The following WWOX variants were observed in gnomAD, a reference collection of about 807,000 sequenced individuals.
WWOX encodes WW domain containing oxidoreductase, also known as WW domain-containing oxidoreductase.
WWOX carries 69 observed loss-of-function variants against 46.2 expected under a neutral mutation model. The observed-to-expected ratio is 1.49, with a 90% CI of 1.23 to 1.82. WWOX has a LOEUF of 1.82. Among genes scored for constraint, WWOX ranks in the 40% most tolerant of loss-of-function variants. The pLI, the probability that WWOX is intolerant of heterozygous loss-of-function variation, is 0.00. For missense variants in WWOX, 919 were observed against 542.6 expected, an observed-to-expected ratio of 1.69 and a Z score of -6.89; for synonymous variants, 359 against 202.6, an observed-to-expected ratio of 1.77 and a Z score of -6.56.
intron 8 of WWOX, among the ~76,000 whole-genome samples, chr16:79,152,432 G>A (rs2050298923): frequency 6.6e-6 from 1 of 152,164 alleles, no homozygotes; most frequent in Non-Finnish European, 1.5e-5. Context: ...AGCACTTTGG[G>A]ACGATGAGGC....
chr16:78,914,880 GAAAAA>G (rs10706775), intron 8 of WWOX, among the ~76,000 whole-genome samples: 4 of 69,394 alleles, frequency 5.8e-5, no homozygotes, highest in Non-Finnish European at 7.6e-5. Context: ...CTCCGCCTCA[GAAAAA>G]AAAAAAAAAA....
chr16:78,569,883 C>G (rs956572561), intron 8 of WWOX, among the ~76,000 whole-genome samples: 2 of 152,194 alleles, frequency 1.3e-5, no homozygotes, highest in Non-Finnish European at 2.9e-5. Flanking sequence ...AGCTCATCAT[C>G]TTCCTTGATC....
intron 8 of WWOX, among the ~76,000 whole-genome samples, chr16:78,657,556 AC>A (rs2142161486): frequency 6.6e-6 from 1 of 152,276 alleles, no homozygotes; most frequent in South Asian, 2.1e-4. Flanking sequence ...CTAGTTAAAG[AC>A]GTGACCCTGG....
intron 8 of WWOX, among the ~76,000 whole-genome samples, chr16:79,122,933 C>G (rs1006662281): frequency 9.8e-5 from 15 of 152,346 alleles, no homozygotes; most frequent in Admixed American, 2.6e-4. Flanking sequence ...CAATGGGACC[C>G]TTGCCGGGGC....
intron 8 of WWOX, among the ~76,000 whole-genome samples, chr16:78,974,013 C>T (rs1002802603): frequency 6.6e-6 from 1 of 152,212 alleles, no homozygotes; most frequent in Non-Finnish European, 1.5e-5. Context: ...GCACAAAACT[C>T]ATGCAACATT....
chr16:79,106,533 T>C (rs2049310843), intron 8 of WWOX: 1 of 149,922 alleles, frequency 6.7e-6, no homozygotes, highest in African/African-American at 2.5e-5. Flanking sequence ...AGTATACCTA[T>C]CAGATTTTCA....
chr16:78,490,921 C>T (rs1024195792), intron 8 of WWOX, among the ~76,000 whole-genome samples: 1 of 152,114 alleles, frequency 6.6e-6, no homozygotes, highest in Non-Finnish European at 1.5e-5. Flanking sequence ...TGGCAGTGAG[C>T]TCATATGGAA....
chr16:79,171,802 T>C (rs1040832621), intron 8 of WWOX, among the ~76,000 whole-genome samples: 1 of 152,194 alleles, frequency 6.6e-6, no homozygotes, highest in Non-Finnish European at 1.5e-5. Flanking sequence ...TCTGATGTCC[T>C]GACAGCAGAA....
intron 8 of WWOX, among the ~76,000 whole-genome samples, chr16:78,452,767 G>T (rs575777624): frequency 6.6e-6 from 1 of 151,086 alleles, no homozygotes; most frequent in African/African-American, 2.4e-5. Context: ...ATGAACCACT[G>T]TGCCTAGCCT....
At chr16:78,967,430 T>C (rs2046383127) in intron 8 of WWOX, among the ~76,000 whole-genome samples, 1 of 147,990 alleles carries the variant, frequency 6.8e-6, no homozygotes, top group South Asian at 2.2e-4. Context: ...ACCACAAGTA[T>C]GCACCAACAT....
chr16:78,959,149 TAGAGTATGAA>T (rs1156992115), intron 8 of WWOX, among the ~76,000 whole-genome samples: 1 of 152,224 alleles, frequency 6.6e-6, no homozygotes, highest in East Asian at 1.9e-4. Context: ...TATTTCCTTG[TAGAGTATGAA>T]AGTAAAATAT....
intron 8 of WWOX, among the ~76,000 whole-genome samples, chr16:78,709,936 GCCCAGGATGGTCTTGAAC>G (rs1409682681): frequency 6.6e-6 from 1 of 151,954 alleles, no homozygotes; most frequent in Non-Finnish European, 1.5e-5. Context: ...TCACCATGTT[GCCCAGGATGGTCTTGAAC>G]CCCTGATCTC....
At chr16:78,506,883 T>C (rs1220582212) in intron 8 of WWOX, among the ~76,000 whole-genome samples, 1 of 152,044 alleles carries the variant, frequency 6.6e-6, no homozygotes. Context: ...TGGCTAATTT[T>C]TTGTATTTTT....
Position 78,617,161 on chromosome 16 carries a change from C to T in WWOX, c.1056+184409C>T, listed in dbSNP as rs543601090. ...TTGTGGTGGCTCACGCCTGTAATCC[C>T]AGCACTTTGGGAGGCTGAGGCAGGT... On this transcript the variant is annotated intron_variant, in intron 8 of 8. Transcript: ENST00000566780. Among the ~76,000 whole-genome samples the T allele has an allele frequency of 2.6e-5, 4 of 152,238 alleles. 1 individual carries two copies. The highest frequency in any genetic ancestry group is 1.3e-4 in the Admixed American group (2 of 15,288).
At position 78,401,378 on chromosome 16, in the gene WWOX, C is replaced by G. The variant is rs532769228; in HGVS notation, c.605+14430C>G. ...ATTCAGATATTGAGAATAAATTCAA[C>G]TTGACATGGCAAAATTCTAATAGGC... On this transcript the variant is annotated intron_variant, in intron 6 of 8. Coordinates refer to ENST00000566780, the MANE Select transcript of WWOX (RefSeq NM_016373.4). 1.7e-4 allele frequency among the ~76,000 whole-genome samples: 26 copies of G among 152,270 alleles called. No homozygotes were observed. The South Asian group carries it at 5.0e-3, about 29-fold the overall frequency.
At chr16:78,542,911 T>C (rs182753598) in intron 8 of WWOX, among the ~76,000 whole-genome samples, 3 of 152,312 alleles carry the variant, frequency 2.0e-5, no homozygotes, top group Admixed American at 2.0e-4. Context: ...TTAGCCCCAA[T>C]GTCTTTCTGT....
chr16:79,209,330 A>T (rs938359342), intron 8 of WWOX, among the ~76,000 whole-genome samples: 2 of 152,362 alleles, frequency 1.3e-5, no homozygotes, highest in Admixed American at 1.3e-4. Context: ...CAGTAATGCA[A>T]GAGTGCAACG....
At chr16:78,254,499 C>CTTTTTTTTTTTTTT (rs1597405923) in intron 5 of WWOX, among the ~76,000 whole-genome samples, 1 of 52,138 alleles carries the variant, frequency 1.9e-5, no homozygotes, top group African/African-American at 1.2e-4. Context: ...TCTTTTCTTT[C>CTTTTTTTTTTTTTT]TTGTTTTTTT....
At chr16:78,718,190 T>C (rs567614647) in intron 8 of WWOX, among the ~76,000 whole-genome samples, 2 of 152,042 alleles carry the variant, frequency 1.3e-5, no homozygotes, top group African/African-American at 4.8e-5. Flanking sequence ...TTATTTTTTA[T>C]TGGTTTGGGT....
Sources: allele counts gnomAD v4.1 joint callset (sites outside exome capture counted in the v4.1 genomes callset), GRCh38; gene constraint gnomAD v4.1.1; transcripts MANE v1.5; gene names NCBI Gene and HGNC (gene_info 2026-07-23, HGNC 2026-07-21).